The following SIRPA variants were observed in gnomAD, a reference collection of about 807,000 sequenced individuals.
SIRPA encodes the protein tyrosine-protein phosphatase non-receptor type substrate 1.
SIRPA carries 9 observed loss-of-function variants against 50.3 expected under a neutral mutation model. The ratio of observed to expected loss-of-function variants is 0.18; its 90% CI spans 0.11 to 0.31. The LOEUF is 0.31. Among genes scored for constraint, SIRPA ranks in the 10% least tolerant of loss-of-function variants. The pLI is 1.00. For missense variants in SIRPA, 474 were observed against 661.6 expected, an observed-to-expected ratio of 0.72 and a Z score of 3.11; for synonymous variants, 265 against 284.1, an observed-to-expected ratio of 0.93 and a Z score of 0.68.
chr20:1,914,987 C>G lies in SIRPA; in HGVS notation c.80-112C>G, dbSNP rs6045399. ...GATGATACATGCACTATACTGATCT[C>G]ACAGCCTGCTTCTGGTGTGCATCCA... On this transcript the variant is annotated intron_variant, in intron 1 of 7. Coordinates refer to ENST00000358771, the MANE Select transcript of SIRPA (RefSeq NM_001040023.2). 1.2e-3 allele frequency: 1,109 copies of G among 910,820 alleles called. 16 individuals carry two copies. In the African/African-American group the frequency reaches 0.016, roughly 13 times the overall value. The allele number at this position is 910,820 out of a possible 1,614,324, so 56.4% of individuals were successfully genotyped here. A position where few individuals can be genotyped will look rare whatever the true frequency, so the allele number is the denominator to read the frequency against.
chr20:1,932,036 T>A lies in SIRPA; in HGVS notation c.1227-2679T>A, dbSNP rs1046390540. 7.2e-5 allele frequency among the ~76,000 whole-genome samples: 11 copies of A among 151,910 alleles called. No homozygotes were observed. The highest frequency in any genetic ancestry group is 2.4e-4 in the African/African-American group (10 of 41,388). On this transcript the variant is annotated intron_variant, in intron 6 of 7. Transcript: ENST00000358771. This position sits in a 1 kb window ranked among gnomAD's most constrained non-coding sequence, Gnocchi z 6.0. ...GGCCCACCCCTGGTCTCATGGCACTTAAGAGCCAGTGAGAAAGATTCATTC... is the reference window on the plus strand; with the variant it reads ...GGCCCACCCCTGGTCTCATGGCACTAAAGAGCCAGTGAGAAAGATTCATTC...
intron 1 of SIRPA, among the ~76,000 whole-genome samples, chr20:1,903,488 G>T (rs1052183143): frequency 1.3e-5 from 2 of 152,094 alleles, no homozygotes; most frequent in Non-Finnish European, 2.9e-5. Context: ...TGCCCCCTTC[G>T]GGCTCTTCAC....
chr20:1,937,679 G>C lies in SIRPA; in HGVS notation c.*111G>C, dbSNP rs566398795. Reference sequence around the variant, plus strand: ...TTCCCGGAGGGCTGGGGCGGTGCAGGCTCTGGGACCCAGGGGCCAGGGTGG... The same window carrying C: ...TTCCCGGAGGGCTGGGGCGGTGCAGCCTCTGGGACCCAGGGGCCAGGGTGG... On this transcript the variant is annotated 3_prime_UTR_variant, in exon 8 of 8. Coordinates refer to ENST00000358771, the MANE Select transcript of SIRPA (RefSeq NM_001040023.2). The surrounding 1 kb of genome is among the most constrained non-coding windows in gnomAD (Gnocchi z 8.3). The C allele has an allele frequency of 2.8e-6, 4 of 1,431,324 alleles. No homozygotes were observed. Among genetic ancestry groups the C allele is most frequent in the Non-Finnish European group, 3.8e-6 (4 of 1,063,010 alleles). The allele number at this position is 1,431,324 out of a possible 1,614,324, so 88.7% of individuals were successfully genotyped here.
rs1356921727 is a variant in SIRPA, at chr20:1,928,086, T to A, written c.1226+187T>A. ...TTTAATTATTGTCCCAAATGAGGGG[T>A]TTTTTTGGTGCACAGAGGTGCTAAT... On this transcript the variant is annotated intron_variant, in intron 6 of 7. Coordinates refer to ENST00000358771, the MANE Select transcript of SIRPA (RefSeq NM_001040023.2). This position sits in a 1 kb window ranked among gnomAD's most constrained non-coding sequence, Gnocchi z 4.9. Among the ~76,000 whole-genome samples, 1 of 151,934 alleles carries A rather than the reference T, an allele frequency of 6.6e-6. No homozygotes were observed. The highest frequency in any genetic ancestry group is 2.4e-5 in the African/African-American group (1 of 41,360).
rs1490765599 is a variant in SIRPA, at chr20:1,932,977, A to G, written c.1227-1738A>G. Among the ~76,000 whole-genome samples, 7 of 152,242 alleles carry G rather than the reference A, an allele frequency of 4.6e-5. No homozygotes were observed. The highest frequency in any genetic ancestry group is 1.0e-4 in the Non-Finnish European group (7 of 68,040). On this transcript the variant is annotated intron_variant, in intron 6 of 7. Coordinates refer to ENST00000358771, the MANE Select transcript of SIRPA (RefSeq NM_001040023.2). This position sits in a 1 kb window ranked among gnomAD's most constrained non-coding sequence, Gnocchi z 6.0. ...AAATTGCTTTGAAAGAGAAGAACCCAATGTTTTGAGAATGGAGTTTGGGGG... is the reference window on the plus strand; with the variant it reads ...AAATTGCTTTGAAAGAGAAGAACCCGATGTTTTGAGAATGGAGTTTGGGGG...
chr20:1,913,704 G>A (rs1009337488), intron 1 of SIRPA, among the ~76,000 whole-genome samples: 1 of 152,168 alleles, frequency 6.6e-6, no homozygotes, highest in East Asian at 1.9e-4. Context: ...TCAGGCATGT[G>A]TTTCTCTGAG....
At chr20:1,896,432 C>T (rs1983826572) in intron 1 of SIRPA, among the ~76,000 whole-genome samples, 1 of 106,088 alleles carries the variant, frequency 9.4e-6, no homozygotes, top group Admixed American at 1.2e-4. Context: ...AACCATGGGT[C>T]TCCTGGGAGG....
Position 1,938,961 on chromosome 20 carries a change from C to A in SIRPA, c.*1393C>A, listed in dbSNP as rs1300422261. On this transcript the variant is annotated 3_prime_UTR_variant, in exon 8 of 8. Coordinates refer to ENST00000358771, the MANE Select transcript of SIRPA (RefSeq NM_001040023.2). The stretch of plus-strand genomic sequence containing the variant: ...AGCTGATCCTTGAAGAAGAAATCTT[C>A]CATTTCTGCTCTCAAACCCTACTGG... 1 of 152,734 alleles carries A rather than the reference C, an allele frequency of 6.5e-6. No homozygotes were observed. Among genetic ancestry groups the A allele is most frequent in the Non-Finnish European group, 1.5e-5 (1 of 68,102 alleles). 9.5% of individuals were successfully genotyped at this position (152,734 alleles called of 1,614,324 possible).
chr20:1,910,580 T>A (rs1377630439), intron 1 of SIRPA, among the ~76,000 whole-genome samples: 1 of 152,198 alleles, frequency 6.6e-6, no homozygotes, highest in Admixed American at 6.5e-5. Flanking sequence ...CCAACCACAG[T>A]AGCAGGAGCT....
Position 1,898,565 on chromosome 20 carries a change from G to A in SIRPA, c.79+3039G>A, listed in dbSNP as rs200094191. Among the ~76,000 whole-genome samples the A allele has an allele frequency of 9.2e-5, 14 of 152,212 alleles. No homozygotes were observed. The East Asian group carries it at 2.5e-3, about 27-fold the overall frequency. On this transcript the variant is annotated intron_variant, in intron 1 of 7. Coordinates refer to ENST00000358771, the MANE Select transcript of SIRPA (RefSeq NM_001040023.2). This position sits in a 1 kb window ranked among gnomAD's most constrained non-coding sequence, Gnocchi z 4.3. ...CCCCATTCTGCAGATGCAGAAAATC[G>A]AGTCCCAAACTGGGGAACTAACTTA...
At chr20:1,901,956 G>A (rs1350614824) in intron 1 of SIRPA, among the ~76,000 whole-genome samples, 6 of 152,208 alleles carry the variant, frequency 3.9e-5, no homozygotes, top group Non-Finnish European at 4.4e-5. Context: ...CAGGCCGACC[G>A]TCGGTGTTCT....
chr20:1,927,992 C>CAACACATTGGTGAGGTCAG lies in SIRPA; in HGVS notation c.1226+93_1226+94insAACACATTGGTGAGGTCAG. On this transcript the variant is annotated intron_variant, in intron 6 of 7. Transcript: ENST00000358771. The surrounding 1 kb of genome is among the most constrained non-coding windows in gnomAD (Gnocchi z 6.5). ...CAAAGCATAATCCATGTCCACTGAC[C>CAACACATTGGTGAGGTCAG]TCACCAATGTGTTGGTCAACATGTC... 2 of 1,043,934 alleles carry CAACACATTGGTGAGGTCAG rather than the reference C, an allele frequency of 1.9e-6. No individual in the cohort carries two copies. Among genetic ancestry groups the CAACACATTGGTGAGGTCAG allele is most frequent in the Non-Finnish European group, 3.0e-6 (2 of 660,112 alleles). 64.7% of individuals were successfully genotyped at this position (1,043,934 alleles called of 1,614,324 possible). A position where few individuals can be genotyped will look rare whatever the true frequency, so the allele number is the denominator to read the frequency against.
chr20:1,910,773 A>G (rs1192059238), intron 1 of SIRPA, among the ~76,000 whole-genome samples: 1 of 152,214 alleles, frequency 6.6e-6, no homozygotes, highest in Non-Finnish European at 1.5e-5. Flanking sequence ...TAGGAGGGGA[A>G]AAAAAGAGAA....
Position 1,940,204 on chromosome 20 carries a change from A to G in SIRPA, c.*2636A>G, listed in dbSNP as rs951587491. On this transcript the variant is annotated 3_prime_UTR_variant, in exon 8 of 8. Transcript: ENST00000358771. ...TTTGAGACTTGGGCCCCGCGTCGGC[A>G]CAATGGGGCAGGAATAGTCCCTGCC... is the stretch of plus-strand genomic sequence containing the variant. 2 of 152,266 alleles carry G rather than the reference A, an allele frequency of 1.3e-5. No homozygotes were observed. The highest frequency in any genetic ancestry group is 2.9e-5 in the Non-Finnish European group (2 of 68,064). 9.4% of individuals were successfully genotyped at this position (152,266 alleles called of 1,614,324 possible). A position where few individuals can be genotyped will look rare whatever the true frequency, so the allele number is the denominator to read the frequency against.
At chr20:1,904,432 T>C (rs1984425967) in intron 1 of SIRPA, among the ~76,000 whole-genome samples, 1 of 152,078 alleles carries the variant, frequency 6.6e-6, no homozygotes, top group Non-Finnish European at 1.5e-5. Context: ...CACGAGGCAG[T>C]CTGGTGCGGG....
intron 1 of SIRPA, among the ~76,000 whole-genome samples, chr20:1,897,723 A>G: frequency 6.7e-6 from 1 of 150,188 alleles, no homozygotes; most frequent in Non-Finnish European, 1.5e-5. Flanking sequence ...CTGTGTCTTC[A>G]CATGATCACT....
Position 1,906,410 on chromosome 20 carries a change from A to G in SIRPA, c.80-8689A>G, listed in dbSNP as rs1282549616. 2.6e-5 allele frequency among the ~76,000 whole-genome samples: 4 copies of G among 152,232 alleles called. No homozygotes were observed. The East Asian group carries it at 7.7e-4, about 29-fold the overall frequency. ...TTTGAGTGAGGATGACATATCGAAC[A>G]ATGAAGCAGAGCCAGGGACATTGAG... On this transcript the variant is annotated intron_variant, in intron 1 of 7. Coordinates refer to ENST00000358771, the MANE Select transcript of SIRPA (RefSeq NM_001040023.2).
Position 1,937,251 on chromosome 20 carries a change from TTGAG to T in SIRPA, c.1267-62_1267-59del. The T allele has an allele frequency of 2.6e-6, 4 of 1,548,710 alleles. No individual in the cohort carries two copies. Among genetic ancestry groups the T allele is most frequent in the Non-Finnish European group, 3.5e-6 (4 of 1,140,040 alleles). ...GAAGCATCCAGACTTGGTATTCAGT[TTGAG>T]TGAGTGGGCCAGGGGCTATAGAATG... On this transcript the variant is annotated intron_variant, in intron 7 of 7. Transcript: ENST00000358771. This position sits in a 1 kb window ranked among gnomAD's most constrained non-coding sequence, Gnocchi z 8.3.
chr20:1,903,312 G>A (rs1008312411), intron 1 of SIRPA, among the ~76,000 whole-genome samples: 1 of 152,146 alleles, frequency 6.6e-6, no homozygotes, highest in Non-Finnish European at 1.5e-5. Flanking sequence ...TCTCACCACG[G>A]GTTCTGTAAG....
Sources: allele counts gnomAD v4.1 joint callset (sites outside exome capture counted in the v4.1 genomes callset), GRCh38; gene constraint gnomAD v4.1.1; non-coding constraint Gnocchi (gnomAD v3.1); transcripts MANE v1.5; gene names NCBI Gene and HGNC (gene_info 2026-07-23, HGNC 2026-07-21).